Variants in SAXO1 observed in about 807,000 individuals in gnomAD.
SAXO1 encodes the protein stabilizer of axonemal microtubules 1.
SAXO1 carries 21 observed loss-of-function variants against 17.5 expected under a neutral mutation model. The ratio of observed to expected loss-of-function variants is 1.20; its 90% CI spans 0.85 to 1.72. SAXO1 has a LOEUF of 1.72. Among genes scored for constraint, SAXO1 ranks in the 40% most tolerant of loss-of-function variants. SAXO1 has a pLI of 0.00. For synonymous variants in SAXO1, 274 were observed against 216.5 expected (o/e 1.27, Z -2.33); for missense variants, 843 against 596.0 (o/e 1.41, Z -4.32).
intron 1 of SAXO1, among the ~76,000 whole-genome samples, chr9:18,998,542 C>T (rs181156868): frequency 3.9e-5 from 6 of 152,222 alleles, no homozygotes; most frequent in Admixed American, 1.3e-4. Context: ...AAACACTCTT[C>T]GGGATATTAT....
intron 1 of SAXO1, among the ~76,000 whole-genome samples, chr9:18,986,473 A>C (rs1434638201): frequency 6.6e-6 from 1 of 152,228 alleles, no homozygotes; most frequent in Non-Finnish European, 1.5e-5. Flanking sequence ...AGGAAGGTAA[A>C]CACAATTTTA....
chr9:18,972,522 C>A (rs996714166), intron 1 of SAXO1, among the ~76,000 whole-genome samples: 22 of 152,166 alleles, frequency 1.4e-4, no homozygotes, highest in Non-Finnish European at 4.4e-5. Context: ...TCTGTATTAT[C>A]TCAATCTTTA....
At chr9:19,037,365 G>A (rs1835967038), upstream of SAXO1, among the ~76,000 whole-genome samples, 2 of 152,154 alleles carry the variant, frequency 1.3e-5, no homozygotes, top group African/African-American at 2.4e-5. Context: ...AAACTATATG[G>A]TTTGGCTCTG....
intron 1 of SAXO1, among the ~76,000 whole-genome samples, chr9:19,029,753 T>G (rs1412286711): frequency 6.6e-6 from 1 of 152,208 alleles, no homozygotes; most frequent in African/African-American, 2.4e-5. Context: ...CTTGTGCAGC[T>G]GAGAAACTGA....
chr9:18,967,310 G>A (rs1390080799), intron 1 of SAXO1, among the ~76,000 whole-genome samples: 2 of 152,224 alleles, frequency 1.3e-5, no homozygotes, highest in Admixed American at 1.3e-4. Context: ...AGAGTTGGCA[G>A]GCAGGAACAT....
chr9:18,957,153 C>T (rs1217662640), intron 1 of SAXO1, among the ~76,000 whole-genome samples: 4 of 152,186 alleles, frequency 2.6e-5, no homozygotes, highest in Admixed American at 2.0e-4. Flanking sequence ...CCAAGACATC[C>T]TCCTCTTTCC....
intron 1 of SAXO1, among the ~76,000 whole-genome samples, chr9:19,001,487 G>A (rs1489433732): frequency 6.6e-6 from 1 of 152,076 alleles, no homozygotes; most frequent in Non-Finnish European, 1.5e-5. Flanking sequence ...CTACCACAGT[G>A]AAACCCCGTC....
intron 1 of SAXO1, among the ~76,000 whole-genome samples, chr9:19,010,730 A>C (rs907801518): frequency 6.6e-6 from 1 of 152,224 alleles, no homozygotes; most frequent in Non-Finnish European, 1.5e-5. Flanking sequence ...CTTATCAAAG[A>C]AATCAAGAAG....
intron 1 of SAXO1, among the ~76,000 whole-genome samples, chr9:19,005,310 C>A (rs973233195): frequency 3.3e-5 from 5 of 151,704 alleles, no homozygotes; most frequent in Non-Finnish European, 7.4e-5. Context: ...GGACCCAAAA[C>A]AGCTGAAATA....
chr9:19,035,066 G>C (rs1439571259), upstream of SAXO1, among the ~76,000 whole-genome samples: 2 of 152,160 alleles, frequency 1.3e-5, no homozygotes, highest in Non-Finnish European at 2.9e-5. Flanking sequence ...AAAGATCAGT[G>C]CTAGACAGTA....
chr9:18,982,419 G>A (rs977755566), intron 1 of SAXO1, among the ~76,000 whole-genome samples: 20 of 152,194 alleles, frequency 1.3e-4, no homozygotes, highest in Admixed American at 7.8e-4. Context: ...GCTCTGACAC[G>A]TCAGGGCAGG....
chr9:18,973,930 A>G (rs1833040090), intron 1 of SAXO1, among the ~76,000 whole-genome samples: 1 of 151,898 alleles, frequency 6.6e-6, no homozygotes, highest in Non-Finnish European at 1.5e-5. Flanking sequence ...ATGTTGGGTA[A>G]TAATTAGAAA....
At chr9:19,030,515 G>A (rs1835713256) in intron 1 of SAXO1, among the ~76,000 whole-genome samples, 1 of 152,032 alleles carries the variant, frequency 6.6e-6, no homozygotes, top group Non-Finnish European at 1.5e-5. Context: ...AAGACCAGCT[G>A]GCCAACATGG....
chr9:18,939,811 A>C (rs1831473351), intron 3 of SAXO1, among the ~76,000 whole-genome samples: 1 of 152,244 alleles, frequency 6.6e-6, no homozygotes. Flanking sequence ...TGATAAAATG[A>C]TATGATTAGA....
Position 18,953,561 on chromosome 9 carries a change from A to C in SAXO1, c.39-2624T>G, listed in dbSNP as rs1269713283. 5.9e-5 allele frequency among the ~76,000 whole-genome samples: 9 copies of C among 152,176 alleles called. No homozygotes were observed. The East Asian group carries it at 1.7e-3, about 29-fold the overall frequency. On this transcript the variant is annotated intron_variant, in intron 1 of 3. Transcript: ENST00000380534. ...TCACTTTGAAATATCAAAAACCCTT[A>C]TGCAAAAATAAATGTTTCACTGCCT...
chr9:19,005,015 T>C (rs560639740), intron 1 of SAXO1, among the ~76,000 whole-genome samples: 1 of 151,984 alleles, frequency 6.6e-6, no homozygotes, highest in South Asian at 2.1e-4. Context: ...AATCTGAAAA[T>C]AAACAATTTC....
intron 1 of SAXO1, among the ~76,000 whole-genome samples, chr9:18,959,044 G>T (rs1337654062): frequency 6.6e-6 from 1 of 152,142 alleles, no homozygotes; most frequent in Non-Finnish European, 1.5e-5. Context: ...AAGTCATGAG[G>T]GCTGGGAAAA....
chr9:18,965,874 G>A (rs1187342126), intron 1 of SAXO1, among the ~76,000 whole-genome samples: 3 of 152,136 alleles, frequency 2.0e-5, no homozygotes, highest in East Asian at 3.8e-4. Flanking sequence ...TTTTTGCGTG[G>A]CTGGTACCGT....
At chr9:18,953,691 A>T (rs1282263447) in intron 1 of SAXO1, among the ~76,000 whole-genome samples, 1 of 152,200 alleles carries the variant, frequency 6.6e-6, no homozygotes, top group Non-Finnish European at 1.5e-5. Flanking sequence ...TGATCAACCC[A>T]ACCCTCATTA....
Sources: gnomAD v4.1 joint callset for allele counts (sites outside exome capture counted in the v4.1 genomes callset) on GRCh38, gnomAD v4.1.1 for gene constraint, MANE v1.5 for transcripts, NCBI Gene and HGNC (gene_info 2026-07-23, HGNC 2026-07-21) for gene names.